The following ARFIP1 variants were observed in gnomAD, a reference collection of about 807,000 sequenced individuals.
The protein encoded by ARFIP1 is ARF interacting protein 1, also known as arfaptin-1.
A neutral mutation model predicts 42.5 loss-of-function variants in ARFIP1; 24 were observed. The observed-to-expected ratio is 0.57, with a 90% CI of 0.41 to 0.80. ARFIP1 has a LOEUF of 0.80. Among genes scored for constraint, ARFIP1 ranks in the 30% least tolerant of loss-of-function variants. ARFIP1 has a pLI of 0.00. For missense variants in ARFIP1, 354 were observed against 434.0 expected (o/e 0.82, Z 1.64); for synonymous variants, 141 against 153.7 (o/e 0.92, Z 0.61).
chr4:152,782,173 A>G (rs535124031), intron 1 of ARFIP1, among the ~76,000 whole-genome samples: 121 of 152,108 alleles, frequency 8.0e-4, no homozygotes, highest in African/African-American at 2.9e-3. Context: ...TTGATAGATT[A>G]AAACCACCAC....
At chr4:152,781,477 T>C (rs1026543536) in intron 1 of ARFIP1, among the ~76,000 whole-genome samples, 1 of 152,128 alleles carries the variant, frequency 6.6e-6, no homozygotes, top group Non-Finnish European at 1.5e-5. Context: ...CCTCAAATGA[T>C]CCTCCCTCCT....
intron 1 of ARFIP1, among the ~76,000 whole-genome samples, chr4:152,804,250 T>TAACATGTATTACATATAATATATAAC (rs1728746560): frequency 1.0e-4 from 4 of 38,322 alleles, no homozygotes; most frequent in Middle Eastern, 0.019. Context: ...TAATATATAA[T>TAACATGTATTACATATAATATATAAC]ATAACATGTA....
Position 152,855,281 on chromosome 4 carries a change from G to A in ARFIP1, c.94-8325G>A, listed in dbSNP as rs556728593. 3.7e-4 allele frequency among the ~76,000 whole-genome samples: 56 copies of A among 152,278 alleles called. 2 individuals are homozygous for A. The South Asian group carries it at 6.8e-3, about 19-fold the overall frequency. On this transcript the variant is annotated intron_variant, in intron 2 of 8. Transcript: ENST00000353617. ...AGACTATGTGTTCTGGCACAGCTGC[G>A]GGGGGTGGGGAAGCCAGGTTGGGTA...
At chr4:152,901,428 T>C (rs1737821897) in intron 8 of ARFIP1, among the ~76,000 whole-genome samples, 1 of 152,184 alleles carries the variant, frequency 6.6e-6, no homozygotes, top group Non-Finnish European at 1.5e-5. Context: ...AGTGTTAGAG[T>C]TTGTTTTGCC....
intron 2 of ARFIP1, among the ~76,000 whole-genome samples, chr4:152,855,089 T>C (rs1205649374): frequency 6.6e-6 from 1 of 152,154 alleles, no homozygotes; most frequent in Non-Finnish European, 1.5e-5. Flanking sequence ...GTATTGGCAG[T>C]GGCTGTGATG....
chr4:152,889,856 C>G (rs1465513693), intron 8 of ARFIP1, among the ~76,000 whole-genome samples: 6 of 120,610 alleles, frequency 5.0e-5, no homozygotes, highest in East Asian at 2.2e-4. Flanking sequence ...ACTATATATA[C>G]TATATATACT....
intron 3 of ARFIP1, among the ~76,000 whole-genome samples, chr4:152,869,792 G>A (rs1734724482): frequency 1.3e-5 from 2 of 152,130 alleles, no homozygotes; most frequent in African/African-American, 4.8e-5. Context: ...ATTTGCCAGG[G>A]TGTTCCTGAT....
chr4:152,788,482 C>A (rs1730945477), intron 1 of ARFIP1, among the ~76,000 whole-genome samples: 1 of 152,088 alleles, frequency 6.6e-6, no homozygotes, highest in Non-Finnish European at 1.5e-5. Context: ...GAGTTCAAGA[C>A]CAGCCTGGGC....
intron 1 of ARFIP1, among the ~76,000 whole-genome samples, chr4:152,792,545 A>G (rs1454981636): frequency 6.6e-6 from 1 of 152,128 alleles, no homozygotes; most frequent in Non-Finnish European, 1.5e-5. Context: ...AAAAGCTCCC[A>G]TTATGATTTA....
At chr4:152,788,360 T>C (rs180971640) in intron 1 of ARFIP1, among the ~76,000 whole-genome samples, 74 of 152,336 alleles carry the variant, frequency 4.9e-4, no homozygotes, top group Middle Eastern at 6.8e-3. Context: ...GAAGATAGAA[T>C]AGAGCTTCCC....
intron 1 of ARFIP1, among the ~76,000 whole-genome samples, chr4:152,801,193 A>AT (rs1234858590): frequency 6.6e-6 from 1 of 152,224 alleles, no homozygotes; most frequent in African/African-American, 2.4e-5. Flanking sequence ...GCTGTAAAGC[A>AT]TAAGGGGCTA....
At position 152,908,891 on chromosome 4, in the gene ARFIP1, A is replaced by AGTGTGTGTGTGT. The variant is rs58362465; in HGVS notation, c.967-1134_967-1123dup. Among the ~76,000 whole-genome samples the AGTGTGTGTGTGT allele has an allele frequency of 1.0e-3, 136 of 132,560 alleles. 3 individuals carry two copies. The highest frequency in any genetic ancestry group is 3.0e-3 in the Admixed American group (40 of 13,328). 87.0% of individuals were successfully genotyped at this position (132,560 alleles called of 152,430 possible). A position where few individuals can be genotyped will look rare whatever the true frequency, so the allele number is the denominator to read the frequency against. ...TCATTTTCAGAAATGGCTAGAGAGA[A>AGTGTGTGTGTGT]GTGTGTGTGTGTGTGTGTGTGTGTG... On this transcript the variant is annotated intron_variant, in intron 8 of 8. Transcript: ENST00000353617.
At chr4:152,788,349 T>A (rs1275807129) in intron 1 of ARFIP1, among the ~76,000 whole-genome samples, 1 of 152,166 alleles carries the variant, frequency 6.6e-6, no homozygotes, top group African/African-American at 2.4e-5. Flanking sequence ...AGAATTACTG[T>A]GAAGATAGAA....
At chr4:152,810,652 C>CAA (rs60385878) in intron 1 of ARFIP1, among the ~76,000 whole-genome samples, 4,006 of 142,976 alleles carry the variant, frequency 0.028, 93 homozygotes, top group South Asian at 0.12. Flanking sequence ...ACTAAAAATA[C>CAA]AAAAAAAAAA....
chr4:152,840,441 T>G (rs1731966557), intron 2 of ARFIP1, among the ~76,000 whole-genome samples: 1 of 152,190 alleles, frequency 6.6e-6, no homozygotes, highest in Non-Finnish European at 1.5e-5. Flanking sequence ...CAGTGTTAGG[T>G]GCATATTTGT....
intron 2 of ARFIP1, among the ~76,000 whole-genome samples, chr4:152,856,557 A>G (rs1322399854): frequency 1.3e-5 from 2 of 152,120 alleles, no homozygotes; most frequent in Non-Finnish European, 2.9e-5. Flanking sequence ...TACGGGGAGG[A>G]TGTGTATAGA....
At chr4:152,874,644 T>A (rs1189629829) in intron 5 of ARFIP1, among the ~76,000 whole-genome samples, 2 of 152,198 alleles carry the variant, frequency 1.3e-5, no homozygotes, top group African/African-American at 4.8e-5. Context: ...GATTCAGGAC[T>A]GTGCTTGTTA....
intron 2 of ARFIP1, among the ~76,000 whole-genome samples, chr4:152,853,874 T>C (rs181395414): frequency 1.4e-4 from 22 of 151,784 alleles, no homozygotes; most frequent in Non-Finnish European, 4.4e-5. Context: ...ATTGGGTTCT[T>C]TCAAAAGACC....
rs1024646690 is a variant in ARFIP1 at position 152,912,053 on chromosome 4, A to G, written c.*1834A>G. 5 of 152,330 alleles carry G rather than the reference A, an allele frequency of 3.3e-5. No individual in the cohort carries two copies. The highest frequency in any genetic ancestry group is 6.6e-5 in the Admixed American group (1 of 15,262). 9.4% of individuals were successfully genotyped at this position (152,330 alleles called of 1,614,324 possible). A position where few individuals can be genotyped will look rare whatever the true frequency, so the allele number is the denominator to read the frequency against. On this transcript the variant is annotated 3_prime_UTR_variant, in exon 9 of 9. Coordinates refer to ENST00000353617, the MANE Select transcript of ARFIP1 (RefSeq NM_001025595.3). ...TAGCTCAGTAAGCTATTTTTTTTCA[A>G]TGTGAATCTCTTTTGAGAGCTGAAC...
Sources: gnomAD v4.1 joint callset for allele counts (sites outside exome capture counted in the v4.1 genomes callset) on GRCh38, gnomAD v4.1.1 for gene constraint, MANE v1.5 for transcripts, NCBI Gene and HGNC (gene_info 2026-07-23, HGNC 2026-07-21) for gene names.